Variants in PLEKHA6 observed in about 807,000 individuals in gnomAD.
PLEKHA6 encodes pleckstrin homology domain containing A6, also known as pleckstrin homology domain-containing family A member 6.
A neutral mutation model predicts 116.7 loss-of-function variants in PLEKHA6; 60 were observed. The observed-to-expected ratio is 0.51, with a 90% CI of 0.42 to 0.64. The LOEUF is 0.64. Among genes scored for constraint, PLEKHA6 ranks in the 30% least tolerant of loss-of-function variants. The pLI, the probability that PLEKHA6 is intolerant of heterozygous loss-of-function variation, is 0.00. For synonymous variants in PLEKHA6, 489 were observed against 556.1 expected (o/e 0.88, Z 1.70); for missense variants, 1,338 against 1,422.7 (o/e 0.94, Z 0.96).
intron 1 of PLEKHA6, among the ~76,000 whole-genome samples, chr1:204,329,881 C>A (rs1365621288): frequency 1.4e-5 from 2 of 142,584 alleles, no homozygotes. Context: ...AAAGTGAGAC[C>A]CTGTCTCAAA....
At chr1:204,306,523 A>C (rs1192946900) in intron 1 of PLEKHA6, among the ~76,000 whole-genome samples, 1 of 152,218 alleles carries the variant, frequency 6.6e-6, no homozygotes. Context: ...CTGAGAAGAA[A>C]GTGCTCCTGC....
rs1268287690 is a variant in PLEKHA6, at chr1:204,238,784, C to A, written c.2409+2591G>T. Among the ~76,000 whole-genome samples the A allele has an allele frequency of 6.6e-6, 1 of 152,192 alleles. No homozygotes were observed. Among genetic ancestry groups the A allele is most frequent in the Non-Finnish European group, 1.5e-5 (1 of 68,030 alleles). On this transcript the variant is annotated intron_variant, in intron 17 of 22. Coordinates refer to ENST00000272203, the MANE Select transcript of PLEKHA6 (RefSeq NM_014935.5). The surrounding 1 kb of genome is among the most constrained non-coding windows in gnomAD (Gnocchi z 4.2). ...GTTCTGCAAGATATGCAGGCACCACCCGAAAGTAGACAGCTGCAGCACTAC... is the reference window on the plus strand; with the variant it reads ...GTTCTGCAAGATATGCAGGCACCACACGAAAGTAGACAGCTGCAGCACTAC...
chr1:204,243,527 A>G (rs1663152710), intron 15 of PLEKHA6, among the ~76,000 whole-genome samples: 1 of 151,894 alleles, frequency 6.6e-6, no homozygotes, highest in Admixed American at 6.6e-5. Flanking sequence ...AAGCTCTCTC[A>G]TTGCCTCGCC....
rs1662426111 is a variant in PLEKHA6, at chr1:204,238,889, G to T, written c.2409+2486C>A. 6.6e-6 allele frequency among the ~76,000 whole-genome samples: 1 copy of T among 152,234 alleles called. No individual in the cohort carries two copies. The highest frequency in any genetic ancestry group is 1.5e-5 in the Non-Finnish European group (1 of 68,046). On this transcript the variant is annotated intron_variant, in intron 17 of 22. Coordinates refer to ENST00000272203, the MANE Select transcript of PLEKHA6 (RefSeq NM_014935.5). The surrounding 1 kb of genome is among the most constrained non-coding windows in gnomAD (Gnocchi z 4.2). ...GGGCAGAACTTCAAGCAGTGCACCT[G>T]GCTGTGCACTTTGCATGGAAGGAGA...
At chr1:204,349,367 C>A (rs547688494) in intron 1 of PLEKHA6, among the ~76,000 whole-genome samples, 1 of 152,030 alleles carries the variant, frequency 6.6e-6, no homozygotes, top group Non-Finnish European at 1.5e-5. Context: ...GGCGAAACCC[C>A]GTCTCTACTA....
Position 204,222,782 on chromosome 1 carries a change from G to A in PLEKHA6, c.*9-3C>T, listed in dbSNP as rs1240612986. ...ATTGGCCTCAGCCAGGGCTTGCACT[G>A]GAGAAAAAAGAAATGGAGTGAGAAG... On this transcript the variant is annotated splice_region_variant and splice_polypyrimidine_tract_variant and intron_variant, in intron 22 of 22. Coordinates refer to ENST00000272203, the MANE Select transcript of PLEKHA6 (RefSeq NM_014935.5). 1.3e-5 allele frequency: 2 copies of A among 152,850 alleles called. No homozygotes were observed. The highest frequency in any genetic ancestry group is 1.3e-4 in the Admixed American group (2 of 15,296). The allele number at this position is 152,850 out of a possible 1,614,324, so 9.5% of individuals were successfully genotyped here.
At chr1:204,366,167 A>T (rs1360276385) in intron 3 of PLEKHA6, among the ~76,000 whole-genome samples, 4 of 152,368 alleles carry the variant, frequency 2.6e-5, no homozygotes, top group Non-Finnish European at 1.5e-5. Context: ...TTTAGTGAAC[A>T]ATCTCTAGAG....
intron 1 of PLEKHA6, 111 bp from the exon 2 acceptor site, chr1:204,274,920 C>T: frequency 1.0e-6 from 1 of 966,196 alleles, no homozygotes; most frequent in Non-Finnish European, 1.2e-6. Context: ...ATGTAAGGAG[C>T]TTGTGCCTCT....
chr1:204,265,588 C>T (rs1430897172), intron 5 of PLEKHA6, among the ~76,000 whole-genome samples: 1 of 152,226 alleles, frequency 6.6e-6, no homozygotes, highest in East Asian at 1.9e-4. Context: ...TCCTATCTAT[C>T]CTGCCTCGCT....
intron 5 of PLEKHA6, among the ~76,000 whole-genome samples, 169 bp downstream of exon 5, chr1:204,267,306 G>C (rs1050202745): frequency 6.6e-6 from 1 of 152,184 alleles, no homozygotes; most frequent in Non-Finnish European, 1.5e-5. Context: ...GTGTGTGAGT[G>C]AACAAGTGAG....
Position 204,232,636 on chromosome 1 carries a change from C to A in PLEKHA6, c.2410-2050G>T, listed in dbSNP as rs189052880. The stretch of plus-strand genomic sequence containing the variant: ...ATGGAAAATGAAAATAACTATGGGA[C>A]CTCTGGGATTCTACAGGCAGGAAAT... On this transcript the variant is annotated intron_variant, in intron 17 of 22. Transcript: ENST00000272203. 9.9e-5 allele frequency among the ~76,000 whole-genome samples: 15 copies of A among 152,276 alleles called. No homozygotes were observed. The East Asian group carries it at 2.5e-3, about 25-fold the overall frequency.
chr1:204,230,338 G>T, intron 18 of PLEKHA6, 75 bp downstream of exon 18: 2 of 1,249,948 alleles, frequency 1.6e-6, no homozygotes, highest in South Asian at 1.6e-5. Context: ...CCAGGCCCAA[G>T]CTGGCCATGC....
At chr1:204,283,675 T>C (rs1349198647) in intron 1 of PLEKHA6, among the ~76,000 whole-genome samples, 1 of 152,218 alleles carries the variant, frequency 6.6e-6, no homozygotes. Context: ...GAGAGCTTCA[T>C]GGTTCAGGGG....
At chr1:204,296,369 C>T (rs912759970) in intron 1 of PLEKHA6, among the ~76,000 whole-genome samples, 1 of 152,082 alleles carries the variant, frequency 6.6e-6, no homozygotes, top group Non-Finnish European at 1.5e-5. Context: ...AAAGCCCCCA[C>T]ATCTTGGAAT....
In PLEKHA6 at chr1:204,223,559, T is replaced by G. The variant is rs1659927556; in HGVS notation, c.3058A>C (p.Thr1020Pro). The G allele has an allele frequency of 3.4e-6, 4 of 1,184,394 alleles. No homozygotes were observed. Among genetic ancestry groups the G allele is most frequent in the Admixed American group, 3.2e-5 (1 of 31,564 alleles). The allele number at this position is 1,184,394 out of a possible 1,614,324, so 73.4% of individuals were successfully genotyped here. ...GGAGGAGCCGGGGAAGCAGGGGAGG[T>G]GGGAGGGCTTGGGGTGGCACATTGC... ...SVQCATPSPP[T>P]SPASPAPPAN... The change falls in exon 22 of 23, where the codon ACC becomes CCC. Residue 1020 changes from threonine (T) to proline (P), a missense_variant. Coordinates refer to ENST00000272203, the MANE Select transcript of PLEKHA6 (RefSeq NM_014935.5). This position sits in a 1 kb window ranked among gnomAD's most constrained non-coding sequence, Gnocchi z 4.8.
rs1408592790 is a variant in PLEKHA6, at chr1:204,240,939, G to A, written c.2409+436C>T. On this transcript the variant is annotated intron_variant, in intron 17 of 22. Coordinates refer to ENST00000272203, the MANE Select transcript of PLEKHA6 (RefSeq NM_014935.5). Reference sequence around the variant, plus strand: ...AGAAAAACATGAAAAGGAGAGACTGGCCTAGCCTCCCAGCCTACATTTTTC... The same window carrying A: ...AGAAAAACATGAAAAGGAGAGACTGACCTAGCCTCCCAGCCTACATTTTTC... 2.0e-5 allele frequency among the ~76,000 whole-genome samples: 3 copies of A among 152,134 alleles called. No homozygotes were observed. The East Asian group carries it at 5.8e-4, about 29-fold the overall frequency.
chr1:204,260,297 C>T (rs933273452), intron 7 of PLEKHA6, among the ~76,000 whole-genome samples: 13 of 152,150 alleles, frequency 8.5e-5, no homozygotes, highest in South Asian at 4.1e-4. Context: ...TAAAACATGG[C>T]GGGCACCAGG....
intron 1 of PLEKHA6, chr1:204,326,008 G>A (rs1325290980): frequency 1.3e-5 from 7 of 543,660 alleles, no homozygotes; most frequent in Non-Finnish European, 1.6e-5. Context: ...ACCCTGCCCA[G>A]CCGTCTCCCT....
At chr1:204,323,656 G>C (rs1192711101) in intron 1 of PLEKHA6, among the ~76,000 whole-genome samples, 1 of 152,226 alleles carries the variant, frequency 6.6e-6, no homozygotes, top group Non-Finnish European at 1.5e-5. Context: ...GTGCATAATA[G>C]GTGCTCAGTA....
Sources: allele counts gnomAD v4.1 joint callset (sites outside exome capture counted in the v4.1 genomes callset), GRCh38; gene constraint gnomAD v4.1.1; non-coding constraint Gnocchi (gnomAD v3.1); transcripts MANE v1.5; gene names NCBI Gene and HGNC (gene_info 2026-07-23, HGNC 2026-07-21).